MDC1: variants seen among roughly 807,000 people sequenced by gnomAD.
MDC1 encodes the protein mediator of DNA damage checkpoint protein 1.
Under a neutral mutation model 142.5 loss-of-function variants are expected in MDC1, and 81 were observed. That is an observed-to-expected ratio of 0.57 (90% CI 0.47 to 0.68). The LOEUF (loss-of-function observed/expected upper bound fraction) is 0.68. MDC1 is among the 30% of genes least tolerant of loss of function. MDC1 has a pLI of 0.00. For missense variants in MDC1, 2,119 were observed against 2,547.9 expected (o/e 0.83, Z 3.62); for synonymous variants, 797 against 968.4 (o/e 0.82, Z 3.29).
In MDC1 at chr6:30,715,062, A is replaced by G. The variant is rs1562134016; in HGVS notation, c.114T>C (p.Ser38=). ...VEPVGRLHIF[S]GAHGPEKDFP... ...GACCTTTTTCTGGTCCATGGGCACC[A>G]CTAAAGATATGTAGCCGCCCTACTG... is the stretch of plus-strand genomic sequence containing the variant. Residue 38 remains serine (S), a synonymous_variant, in exon 2 of 15, where the codon AGT becomes AGC. Coordinates refer to ENST00000376406, the MANE Select transcript of MDC1 (RefSeq NM_014641.3). This position sits in a 1 kb window ranked among gnomAD's most constrained non-coding sequence, Gnocchi z 4.1. The G allele has an allele frequency of 6.2e-7, 1 of 1,614,194 alleles. No individual in the cohort carries two copies. Among genetic ancestry groups the G allele is most frequent in the Admixed American group, 1.7e-5 (1 of 60,020 alleles).
At chr6:30,702,453 T>A in intron 14 of MDC1, 100 bp downstream of exon 14, 1 of 931,322 alleles carries the variant, frequency 1.1e-6, no homozygotes. Context: ...TTTATATTCC[T>A]TTCTGAACCT....
chr6:30,701,079 GA>G (rs371954019), intron 14 of MDC1, among the ~76,000 whole-genome samples: 2,589 of 80,244 alleles, frequency 0.032, 34 homozygotes, highest in South Asian at 0.1. Context: ...CATCTCAAAA[GA>G]AAAAAAAAAA....
intron 5 of MDC1, 21 bp from the exon 6 acceptor site, chr6:30,711,747 G>A: frequency 6.2e-7 from 1 of 1,606,430 alleles, no homozygotes; most frequent in Non-Finnish European, 8.5e-7. Context: ...AGGAATATAA[G>A]ACAGTTTAAA....
intron 2 of MDC1, 73 bp from the exon 3 acceptor site, chr6:30,714,256 G>C (rs780707462): frequency 6.8e-7 from 1 of 1,466,850 alleles, no homozygotes; most frequent in Non-Finnish European, 9.1e-7. Context: ...TGCCTATTAG[G>C]TACTCTACTA....
chr6:30,707,977 C>G lies in MDC1; in HGVS notation c.2602G>C (p.Asp868His). ...DREQKQLLAR[D>H]TQRQESDKNG... ...TTGTCAGATTCTTGTCTCTGGGTGT[C>G]TCTAGCTAACAACTGTTTTTGTTCT... Residue 868 changes from aspartate to histidine, a missense_variant, in exon 8 of 15, where the codon GAC (aspartate) becomes CAC (histidine). Physicochemically the swap from Asp to His is moderately conservative, Grantham distance 81. Transcript: ENST00000376406. 6.2e-7 allele frequency: 1 copy of G among 1,613,064 alleles called. No homozygotes were observed.
In MDC1 at chr6:30,704,267, C is replaced by T; in HGVS notation, c.4916G>A (p.Arg1639Lys). The T allele has an allele frequency of 1.9e-6, 3 of 1,613,394 alleles. No individual in the cohort carries two copies. Among genetic ancestry groups the T allele is most frequent in the Non-Finnish European group, 2.5e-6 (3 of 1,179,664 alleles). The change falls in exon 10 of 15, where the codon AGG (arginine) becomes AAG (lysine). Residue 1639 changes from arginine to lysine, a missense_variant. Physicochemically the swap from Arg to Lys is conservative, Grantham distance 26. Coordinates refer to ENST00000376406, the MANE Select transcript of MDC1 (RefSeq NM_014641.3). ...VTPKLTSRAT[R>K]RKTNRSSVKT... The stretch of plus-strand genomic sequence containing the variant: ...GACAGAGGACCTATTTGTCTTTCTC[C>T]TAGTGGCCCTAGATGTGAGCTTGGG...
chr6:30,706,234 C>T (rs1402295712), intron 9 of MDC1, 136 bp from the exon 10 acceptor site: 1 of 743,950 alleles, frequency 1.3e-6, no homozygotes, highest in Non-Finnish European at 2.1e-6. Context: ...CGGCTATAAT[C>T]CCAGCACTTT....
In MDC1 at chr6:30,706,018, A is replaced by T. The variant is rs1773735105; in HGVS notation, c.3165T>A (p.Ser1055=). 6.2e-7 allele frequency: 1 copy of T among 1,605,148 alleles called. No homozygotes were observed. The change falls in exon 10 of 15, where the codon TCT becomes TCA. Residue 1055 remains serine (S), a synonymous_variant. Coordinates refer to ENST00000376406, the MANE Select transcript of MDC1 (RefSeq NM_014641.3). ...GAGGTGCAAGATGTTTCTGGCTCTG[A>T]GAGTTAAGGGGCTTTTGGGGTGGGG... ...APAPPQKPLN[S]QSQKHLAPPP...
Position 30,704,332 on chromosome 6 carries a change from A to G in MDC1, c.4851T>C (p.Pro1617=). 1 of 1,613,460 alleles carries G rather than the reference A, an allele frequency of 6.2e-7. No homozygotes were observed. ...CTGTGGAGGTGGTAGGATGGGGCTC[A>G]GGGGCTGTGGGGACAACTGGCTCAG... ...KTPEPVVPTA[P]EPHPTTSTDQ... is the part of the protein sequence containing the mutation. The change falls in exon 10 of 15, where the codon CCT becomes CCC. Residue 1617 remains proline, a synonymous_variant. Coordinates refer to ENST00000376406, the MANE Select transcript of MDC1 (RefSeq NM_014641.3).
Position 30,703,601 on chromosome 6 carries a change from G to C in MDC1, c.5562+20C>G. 6.2e-7 allele frequency: 1 copy of C among 1,611,822 alleles called. No homozygotes were observed. ...CTGAAGTCATTTTTCCCAGCTTTGT[G>C]GTCCCAACCCTCTCCTCACCTCTTC... is the stretch of plus-strand genomic sequence containing the variant. On this transcript the variant is annotated intron_variant, in intron 10 of 14. Transcript: ENST00000376406. This position sits in a 1 kb window ranked among gnomAD's most constrained non-coding sequence, Gnocchi z 4.4.
At position 30,707,417 on chromosome 6, in the gene MDC1, A is replaced by G; in HGVS notation, c.3051T>C (p.Ala1017=). ...CCTTCTCAGCAGCTCTGATCCTGGA[A>G]GCCTTCTCAGCAGGTGGCATCTTGC... ...LNCKMPPAEK[A]SRIRAAEKVS... Residue 1017 remains alanine (A), a synonymous_variant, in exon 9 of 15, where the codon GCT becomes GCC. Coordinates refer to ENST00000376406, the MANE Select transcript of MDC1 (RefSeq NM_014641.3). 6.2e-7 allele frequency: 1 copy of G among 1,613,118 alleles called. No homozygotes were observed. The highest frequency in any genetic ancestry group is 1.1e-5 in the South Asian group (1 of 91,084).
At position 30,713,907 on chromosome 6, in the gene MDC1, G is replaced by A; in HGVS notation, c.413C>T (p.Pro138Leu). 1 of 1,613,636 alleles carries A rather than the reference G, an allele frequency of 6.2e-7. No homozygotes were observed. The highest frequency in any genetic ancestry group is 8.5e-7 in the Non-Finnish European group (1 of 1,180,020). Residue 138 changes from proline (P) to leucine (L), a missense_variant, in exon 3 of 15, where the codon CCC becomes CTC. By Grantham distance (98) the Pro-to-Leu change is moderately conservative. Coordinates refer to ENST00000376406, the MANE Select transcript of MDC1 (RefSeq NM_014641.3). This position sits in a 1 kb window ranked among gnomAD's most constrained non-coding sequence, Gnocchi z 4.9. ...CQYHRLDVSL[P>L]FVSRGPLTVE... ...TGTCAGAGGGCCCCGGGAGACAAAG[G>A]GCAGAGAGACATCCAGGCGATGGTA...
chr6:30,707,118 T>C (rs1219711597), intron 9 of MDC1, among the ~76,000 whole-genome samples: 1 of 152,126 alleles, frequency 6.6e-6, no homozygotes, highest in Non-Finnish European at 1.5e-5. Context: ...ACGTGGATGA[T>C]GGTAAGGAAA....
chr6:30,703,354 T>C lies in MDC1; in HGVS notation c.5682+64A>G, dbSNP rs1324776758. On this transcript the variant is annotated intron_variant, in intron 11 of 14. Coordinates refer to ENST00000376406, the MANE Select transcript of MDC1 (RefSeq NM_014641.3). This position sits in a 1 kb window ranked among gnomAD's most constrained non-coding sequence, Gnocchi z 4.4. ...ATCAGCACCCATCTCTACAATCCTC[T>C]AGGTCTCCTTGCATCCTCCCCTCAT... 3 of 1,612,768 alleles carry C rather than the reference T, an allele frequency of 1.9e-6. No homozygotes were observed. The highest frequency in any genetic ancestry group is 2.5e-6 in the Non-Finnish European group (3 of 1,179,692).
chr6:30,712,532 G>A lies in MDC1; in HGVS notation c.1410C>T (p.Val470=). Residue 470 remains valine (V), a synonymous_variant, in exon 5 of 15, where the codon GTC becomes GTT. Transcript: ENST00000376406. The surrounding 1 kb of genome is among the most constrained non-coding windows in gnomAD (Gnocchi z 4.7). ...EELPVENREA[V]LKDHTKIRAL... is the part of the protein sequence containing the mutation. Reference sequence around the variant, plus strand: ...CTCTAATCTTTGTGTGATCCTTGAGGACAGCTTCTCTATTTTCCACTGGGA... The same window carrying A: ...CTCTAATCTTTGTGTGATCCTTGAGAACAGCTTCTCTATTTTCCACTGGGA... 1 of 1,613,004 alleles carries A rather than the reference G, an allele frequency of 6.2e-7. No individual in the cohort carries two copies. Among genetic ancestry groups the A allele is most frequent in the Non-Finnish European group, 8.5e-7 (1 of 1,180,016 alleles).
chr6:30,715,572 T>G lies in MDC1; in HGVS notation c.-3-394A>C, dbSNP rs191755059. Among the ~76,000 whole-genome samples, 79 of 152,280 alleles carry G rather than the reference T, an allele frequency of 5.2e-4. No homozygotes were observed. The highest frequency in any genetic ancestry group is 1.0e-3 in the Admixed American group (16 of 15,286). ...CAGGGTGGACTCGAACTCTTGACCT[T>G]GGGTGATCCGCCCACCTTGGCCTCC... On this transcript the variant is annotated intron_variant, in intron 1 of 14. Coordinates refer to ENST00000376406, the MANE Select transcript of MDC1 (RefSeq NM_014641.3). This position sits in a 1 kb window ranked among gnomAD's most constrained non-coding sequence, Gnocchi z 4.1.
intron 14 of MDC1, 54 bp downstream of exon 14, chr6:30,702,499 A>C: frequency 7.3e-7 from 1 of 1,374,100 alleles, no homozygotes; most frequent in Non-Finnish European, 9.8e-7. Flanking sequence ...CATTCCAGCC[A>C]CCTCTTTAAC....
Position 30,716,854 on chromosome 6 carries a change from GA to G in MDC1, c.-4+390del. ...TACTGATGAAGGAACAAATGAGATGGAAAGAAAATAGCATAAATGGAATTCA... is the reference window on the plus strand; with the variant it reads ...TACTGATGAAGGAACAAATGAGATGGAAGAAAATAGCATAAATGGAATTCA... On this transcript the variant is annotated intron_variant, in intron 1 of 14. Coordinates refer to ENST00000376406, the MANE Select transcript of MDC1 (RefSeq NM_014641.3). This position sits in a 1 kb window ranked among gnomAD's most constrained non-coding sequence, Gnocchi z 4.4. 1 of 965,774 alleles carries G rather than the reference GA, an allele frequency of 1.0e-6. No individual in the cohort carries two copies. Among genetic ancestry groups the G allele is most frequent in the East Asian group, 1.1e-4 (1 of 8,738 alleles). 59.8% of individuals were successfully genotyped at this position (965,774 alleles called of 1,614,324 possible). A position where few individuals can be genotyped will look rare whatever the true frequency, so the allele number is the denominator to read the frequency against.
chr6:30,715,024 T>C lies in MDC1; in HGVS notation c.136+16A>G, dbSNP rs528609552. ...AAAGATCTATATCAATACTTGAACA[T>C]CCAATACCCTCTGACCTTTTTCTGG... On this transcript the variant is annotated intron_variant, in intron 2 of 14. Coordinates refer to ENST00000376406, the MANE Select transcript of MDC1 (RefSeq NM_014641.3). This position sits in a 1 kb window ranked among gnomAD's most constrained non-coding sequence, Gnocchi z 4.1. 6.2e-7 allele frequency: 1 copy of C among 1,613,894 alleles called. No individual in the cohort carries two copies. The highest frequency in any genetic ancestry group is 1.7e-5 in the Admixed American group (1 of 60,010).
Sources: allele counts gnomAD v4.1 joint callset (sites outside exome capture counted in the v4.1 genomes callset), GRCh38; gene constraint gnomAD v4.1.1; non-coding constraint Gnocchi (gnomAD v3.1); transcripts MANE v1.5; gene names NCBI Gene and HGNC (gene_info 2026-07-23, HGNC 2026-07-21).